Variants in HIVEP1 observed in about 807,000 individuals in gnomAD.
HIVEP1 encodes the protein HIVEP zinc finger 1.
HIVEP1 carries 36 observed loss-of-function variants against 180.0 expected under a neutral mutation model. That is an observed-to-expected ratio of 0.20 (90% CI 0.15 to 0.26). The LOEUF is 0.26. Among genes scored for constraint, HIVEP1 ranks in the 10% least tolerant of loss-of-function variants. HIVEP1 has a pLI of 1.00. For missense variants in HIVEP1, 3,143 were observed against 3,268.7 expected (o/e 0.96, Z 0.94); for synonymous variants, 1,239 against 1,239.0 (o/e 1.00, Z 0.00).
chr6:12,166,990 A>G (rs1160283431), downstream of HIVEP1, among the ~76,000 whole-genome samples: 3 of 152,204 alleles, frequency 2.0e-5, no homozygotes, highest in African/African-American at 7.2e-5. Flanking sequence ...AAAATGTATT[A>G]TAACATAAAT....
chr6:12,193,602 G>A, the HIVEP1 span, among the ~76,000 whole-genome samples: 1 of 142,982 alleles, frequency 7.0e-6, no homozygotes, highest in East Asian at 2.0e-4. Context: ...GCTTATTAAT[G>A]AGATCAAACA....
At chr6:12,088,232 G>T (rs1391864886) in intron 2 of HIVEP1, among the ~76,000 whole-genome samples, 2 of 151,996 alleles carry the variant, frequency 1.3e-5, no homozygotes, top group Non-Finnish European at 2.9e-5. Context: ...GGTCAGCATT[G>T]GAGACAACTT....
Position 12,124,329 on chromosome 6 carries a change from A to T in HIVEP1, c.4534A>T (p.Ile1512Phe), listed in dbSNP as rs764226630. 1.2e-6 allele frequency: 2 copies of T among 1,613,958 alleles called. No individual in the cohort carries two copies. Among genetic ancestry groups the T allele is most frequent in the Non-Finnish European group, 1.7e-6 (2 of 1,179,980 alleles). The change falls in exon 4 of 9, where the codon ATC becomes TTC. Residue 1512 changes from isoleucine (I) to phenylalanine (F), a missense_variant. Ile to Phe is a conservative substitution (Grantham distance 21, BLOSUM62 0). Transcript: ENST00000379388. Reference sequence around the variant, plus strand: ...TTTTCCTGTTCAACAGCTCTGTGATATCAATTTGTTAAATCAAATCCATGC... The same window carrying T: ...TTTTCCTGTTCAACAGCTCTGTGATTTCAATTTGTTAAATCAAATCCATGC... ...NVFPVQQLCD[I>F]NLLNQIHAPP...
chr6:12,069,471 A>T (rs1053154089), intron 2 of HIVEP1, among the ~76,000 whole-genome samples: 3 of 151,078 alleles, frequency 2.0e-5, no homozygotes, highest in Non-Finnish European at 2.9e-5. Context: ...TCAATTTTTT[A>T]AAAAATTGTG....
chr6:12,124,168 G>A lies in HIVEP1; in HGVS notation c.4373G>A (p.Ser1458Asn), dbSNP rs778732011. The A allele has an allele frequency of 1.9e-6, 3 of 1,613,980 alleles. No homozygotes were observed. Among genetic ancestry groups the A allele is most frequent in the Admixed American group, 1.7e-5 (1 of 60,018 alleles). ...PTSFQNTALP[S>N]VNAVPYQGPQ... Reference sequence around the variant, plus strand: ...TCTTTCCAAAATACTGCTCTTCCCAGTGTGAATGCAGTGCCATATCAGGGG... The same window carrying A: ...TCTTTCCAAAATACTGCTCTTCCCAATGTGAATGCAGTGCCATATCAGGGG... Residue 1458 changes from serine (S) to asparagine (N), a missense_variant, in exon 4 of 9, where the codon AGT (serine) becomes AAT (asparagine). Ser to Asn is a conservative substitution (Grantham distance 46). This residue lies in a region of HIVEP1 where 1,357 missense variants were observed against 1,260.5 expected (regional missense o/e 1.08). Coordinates refer to ENST00000379388, the MANE Select transcript of HIVEP1 (RefSeq NM_002114.4).
intron 3 of HIVEP1, among the ~76,000 whole-genome samples, chr6:12,093,017 T>C (rs1773575437): frequency 6.6e-6 from 1 of 152,172 alleles, no homozygotes. Flanking sequence ...TCAGTTGACT[T>C]CCTGTGATTG....
At chr6:12,204,369 C>CT in the HIVEP1 span, among the ~76,000 whole-genome samples, 8 of 43,656 alleles carry the variant, frequency 1.8e-4, no homozygotes, top group Middle Eastern at 0.028. Context: ...CTCCCTTCCC[C>CT]GTCTATCCTC....
intron 3 of HIVEP1, among the ~76,000 whole-genome samples, chr6:12,096,563 A>C (rs55846239): frequency 0.01 from 1,581 of 151,934 alleles, 12 homozygotes; most frequent in Non-Finnish European, 0.017. Flanking sequence ...TTATTAAAAA[A>C]ATATAATAAT....
chr6:12,080,992 C>G (rs2113281062), intron 2 of HIVEP1, among the ~76,000 whole-genome samples: 1 of 152,252 alleles, frequency 6.6e-6, no homozygotes, highest in East Asian at 1.9e-4. Context: ...GGCGCTCTGA[C>G]TTCCAGCTCC....
At chr6:12,101,140 T>TA (rs1774088285) in intron 3 of HIVEP1, among the ~76,000 whole-genome samples, 1 of 152,220 alleles carries the variant, frequency 6.6e-6, no homozygotes, top group Admixed American at 6.5e-5. Context: ...ACTTTTCTAT[T>TA]ACCTTTTGTG....
intron 7 of HIVEP1, among the ~76,000 whole-genome samples, chr6:12,159,716 A>G (rs1277744250): frequency 2.6e-5 from 4 of 152,210 alleles, no homozygotes; most frequent in Non-Finnish European, 5.9e-5. Context: ...CTTTGGTATT[A>G]TTTTATTTCA....
At chr6:12,155,378 A>G (rs1200916620) in intron 7 of HIVEP1, among the ~76,000 whole-genome samples, 1 of 151,948 alleles carries the variant, frequency 6.6e-6, no homozygotes, top group Non-Finnish European at 1.5e-5. Context: ...TAAGCCCAGC[A>G]TTTCTTCCTG....
intron 7 of HIVEP1, among the ~76,000 whole-genome samples, chr6:12,158,338 C>A (rs1281896359): frequency 6.6e-6 from 1 of 152,166 alleles, no homozygotes; most frequent in East Asian, 1.9e-4. Context: ...GCTATCCTCA[C>A]TGCAGGAAAG....
intron 2 of HIVEP1, among the ~76,000 whole-genome samples, chr6:12,077,332 G>A (rs1772432528): frequency 6.6e-6 from 1 of 152,178 alleles, no homozygotes; most frequent in Non-Finnish European, 1.5e-5. Context: ...TCCTGCTAAC[G>A]TCATCCCTGG....
the HIVEP1 span, among the ~76,000 whole-genome samples, chr6:12,182,818 T>C: frequency 6.6e-6 from 1 of 152,138 alleles, no homozygotes; most frequent in African/African-American, 2.4e-5. Context: ...ACTGTGCAAG[T>C]AGAAGGTGTC....
intron 2 of HIVEP1, among the ~76,000 whole-genome samples, chr6:12,062,358 A>C (rs571625231): frequency 6.6e-6 from 1 of 152,234 alleles, no homozygotes; most frequent in South Asian, 2.1e-4. Flanking sequence ...TTGTATAGTA[A>C]GTCTAAATTT....
rs1421964820 is a variant in HIVEP1 at position 12,036,918 on chromosome 6, AAAAC to A, written c.40+21262_40+21265del. ...AGATTCATCTCAAAAACCAAAACCA[AAAAC>A]AAACAAACAAAAAACAGCCCTCCAG... is the stretch of plus-strand genomic sequence containing the variant. On this transcript the variant is annotated intron_variant, in intron 2 of 8. Coordinates refer to ENST00000379388, the MANE Select transcript of HIVEP1 (RefSeq NM_002114.4). 3.9e-5 allele frequency among the ~76,000 whole-genome samples: 6 copies of A among 152,318 alleles called. No homozygotes were observed. The East Asian group carries it at 9.6e-4, about 24-fold the overall frequency.
At position 12,107,859 on chromosome 6, in the gene HIVEP1, TGTTTTGACAGGGCGCTGATTGGTGC is replaced by T. The variant is rs371957966; in HGVS notation, c.95-12026_95-12002del. Among the ~76,000 whole-genome samples, 876 of 152,272 alleles carry T rather than the reference TGTTTTGACAGGGCGCTGATTGGTGC, an allele frequency of 5.8e-3. 6 individuals carry two copies. Among genetic ancestry groups the T allele is most frequent in the African/African-American group, 0.02 (839 of 41,542 alleles). On this transcript the variant is annotated intron_variant, in intron 3 of 8. Coordinates refer to ENST00000379388, the MANE Select transcript of HIVEP1 (RefSeq NM_002114.4). ...TGCTGATTGGTAGAGCTGAGGGGTG[TGTTTTGACAGGGCGCTGATTGGTGC>T]GTTTACAATCGCTGAGCTAGACACA...
chr6:12,055,374 G>A (rs1349410523), intron 2 of HIVEP1, among the ~76,000 whole-genome samples: 1 of 152,144 alleles, frequency 6.6e-6, no homozygotes, highest in African/African-American at 2.4e-5. Flanking sequence ...TCGGGAGGCT[G>A]AGGCAGGAGA....
Sources: gnomAD v4.1 joint callset for allele counts (sites outside exome capture counted in the v4.1 genomes callset) on GRCh38, gnomAD v4.1.1 for gene constraint, gnomAD v4.1.1 regional missense constraint, MANE v1.5 for transcripts, NCBI Gene and HGNC (gene_info 2026-07-23, HGNC 2026-07-21) for gene names.